Variants in BAZ1A observed in about 807,000 individuals in gnomAD.
The protein encoded by BAZ1A is bromodomain adjacent to zinc finger domain 1A, also known as bromodomain adjacent to zinc finger domain protein 1A.
A neutral mutation model predicts 185.2 loss-of-function variants in BAZ1A; 50 were observed. The ratio of observed to expected loss-of-function variants is 0.27; its 90% CI spans 0.22 to 0.34. The LOEUF is 0.34. Ranked by LOEUF, BAZ1A falls within the 10% of genes least tolerant of loss-of-function variation. The pLI, the probability that BAZ1A is intolerant of heterozygous loss-of-function variation, is 1.00. For missense variants in BAZ1A, 1,356 were observed against 1,839.9 expected (o/e 0.74, Z 4.81); for synonymous variants, 571 against 615.6 (o/e 0.93, Z 1.07).
rs772047587 is a variant in BAZ1A at position 34,775,990 on chromosome 14, G to A, written c.2762C>T (p.Thr921Ile). 1.2e-6 allele frequency: 2 copies of A among 1,613,860 alleles called. No homozygotes were observed. The highest frequency in any genetic ancestry group is 1.7e-6 in the Non-Finnish European group (2 of 1,179,746). Residue 921 changes from threonine to isoleucine, a missense_variant, in exon 18 of 27, where the codon ACT becomes ATT. Around this residue, in one of 7 missense-constraint regions of BAZ1A, gnomAD observed 434 missense variants for 561.7 expected, o/e 0.77. Transcript: ENST00000360310. The part of the protein sequence containing the change: ...RGHRESALKE[T>I]LLQEKSRICA... ...TATTCTGCTTTTCTCTTGTAACAAAGTTTCTTTTAAGGCACTTTCTCTATG... is the reference window on the plus strand; with the variant it reads ...TATTCTGCTTTTCTCTTGTAACAAAATTTCTTTTAAGGCACTTTCTCTATG...
chr14:34,764,289 CTT>C lies in BAZ1A; in HGVS notation c.3776+416_3776+417del, dbSNP rs34861206. On this transcript the variant is annotated intron_variant, in intron 23 of 26. Coordinates refer to ENST00000360310, the MANE Select transcript of BAZ1A (RefSeq NM_013448.3). ...TATACGTTAGTTTCTTTTTTCTTTTCTTTTTTTTTTTTTTTTTTTGAGATGGA... is the reference window on the plus strand; with the variant it reads ...TATACGTTAGTTTCTTTTTTCTTTTCTTTTTTTTTTTTTTTTTGAGATGGA... Among the ~76,000 whole-genome samples the C allele has an allele frequency of 4.4e-4, 49 of 111,846 alleles. No individual in the cohort carries two copies. The East Asian group carries it at 6.5e-3, about 15-fold the overall frequency. 73.4% of individuals were successfully genotyped at this position (111,846 alleles called of 152,430 possible).
chr14:34,807,422 T>A (rs770806108), intron 6 of BAZ1A, 29 bp downstream of exon 6: 1 of 1,525,428 alleles, frequency 6.6e-7, no homozygotes, highest in Admixed American at 1.7e-5. Context: ...TTTTCTGTCT[T>A]CCAACAAATA....
At chr14:34,789,727 C>T (rs1050367245) in intron 12 of BAZ1A, among the ~76,000 whole-genome samples, 4 of 152,094 alleles carry the variant, frequency 2.6e-5, no homozygotes, top group African/African-American at 7.2e-5. Flanking sequence ...CAAAATCTCT[C>T]AGGTTTGATA....
chr14:34,834,110 A>AG (rs1167389269), intron 3 of BAZ1A, among the ~76,000 whole-genome samples: 1 of 152,212 alleles, frequency 6.6e-6, no homozygotes, highest in Non-Finnish European at 1.5e-5. Flanking sequence ...TCTGTACTTT[A>AG]GTAACATGAG....
chr14:34,775,651 G>A (rs915032084), intron 18 of BAZ1A, among the ~76,000 whole-genome samples: 10 of 152,144 alleles, frequency 6.6e-5, no homozygotes, highest in African/African-American at 2.4e-4. Flanking sequence ...TACTGACCAA[G>A]GAATAAGGAG....
At chr14:34,793,322 G>A (rs1005272111) in intron 11 of BAZ1A, among the ~76,000 whole-genome samples, 7 of 152,072 alleles carry the variant, frequency 4.6e-5, no homozygotes, top group Non-Finnish European at 2.9e-5. Context: ...GTCATTATCC[G>A]CATTAGGTTT....
At chr14:34,856,673 CAT>C (rs1217001404) in intron 3 of BAZ1A, among the ~76,000 whole-genome samples, 2 of 151,786 alleles carry the variant, frequency 1.3e-5, no homozygotes, top group African/African-American at 4.8e-5. Context: ...GCCTGGTCAA[CAT>C]AGTGAAACCC....
intron 10 of BAZ1A, 47 bp downstream of exon 10, chr14:34,795,623 G>T: frequency 7.6e-7 from 1 of 1,307,920 alleles, no homozygotes; most frequent in Non-Finnish European, 1.1e-6. Flanking sequence ...AGCCACATAG[G>T]ACATGTAAAA....
chr14:34,783,097 A>C, intron 16 of BAZ1A, 22 bp downstream of exon 16: 1 of 1,497,954 alleles, frequency 6.7e-7, no homozygotes. Flanking sequence ...AAAGCAGATG[A>C]ACAGTGTGAT....
Position 34,802,999 on chromosome 14 carries a change from C to A in BAZ1A, c.727-11G>T, listed in dbSNP as rs1426462614. The A allele has an allele frequency of 3.1e-6, 5 of 1,602,902 alleles. No individual in the cohort carries two copies. In the South Asian group the frequency reaches 4.4e-5, roughly 14 times the overall value. On this transcript the variant is annotated splice_polypyrimidine_tract_variant and intron_variant, in intron 6 of 26. Coordinates refer to ENST00000360310, the MANE Select transcript of BAZ1A (RefSeq NM_013448.3). ...TGAAAGAGATGATGCCTTAATAAAA[C>A]AAAGACATAGGGTACAATAATAACA...
At chr14:34,867,990 A>G (rs2042888053) in intron 2 of BAZ1A, among the ~76,000 whole-genome samples, 1 of 152,250 alleles carries the variant, frequency 6.6e-6, no homozygotes, top group South Asian at 2.1e-4. Context: ...TACTATAAGC[A>G]AAAATGATAA....
At chr14:34,780,092 G>C (rs1378219652) in intron 17 of BAZ1A, 94 bp downstream of exon 17, 22 of 1,489,960 alleles carry the variant, frequency 1.5e-5, no homozygotes, top group Non-Finnish European at 1.9e-5. Context: ...ACAAATGAAA[G>C]CAATCAATAT....
At chr14:34,838,245 G>A (rs188824481) in intron 3 of BAZ1A, among the ~76,000 whole-genome samples, 2 of 152,270 alleles carry the variant, frequency 1.3e-5, no homozygotes, top group African/African-American at 4.8e-5. Context: ...AATCTATTAG[G>A]TGTGCTAGAT....
chr14:34,766,442 C>T (rs892600289), intron 21 of BAZ1A, among the ~76,000 whole-genome samples: 2 of 152,084 alleles, frequency 1.3e-5, no homozygotes, highest in South Asian at 2.1e-4. Flanking sequence ...CTCCTGTTTG[C>T]CTGTCGGGTA....
chr14:34,843,866 TATGGTCC>T (rs1009238620), intron 3 of BAZ1A, among the ~76,000 whole-genome samples: 1 of 152,142 alleles, frequency 6.6e-6, no homozygotes, highest in African/African-American at 2.4e-5. Flanking sequence ...GACAGTATAC[TATGGTCC>T]ATGGCCAAAT....
chr14:34,795,821 C>T, intron 9 of BAZ1A, 56 bp from the exon 10 acceptor site: 4 of 1,318,214 alleles, frequency 3.0e-6, no homozygotes, highest in Admixed American at 1.8e-5. Flanking sequence ...ATGGCAGCAT[C>T]GGCATCTCCT....
At chr14:34,818,938 G>C (rs557124382) in intron 4 of BAZ1A, among the ~76,000 whole-genome samples, 1 of 151,842 alleles carries the variant, frequency 6.6e-6, no homozygotes, top group East Asian at 1.9e-4. Flanking sequence ...TCAGGAGATC[G>C]AGACCATCCT....
chr14:34,755,039 ACTCT>A, intron 25 of BAZ1A, 125 bp from the exon 26 acceptor site: 1 of 585,360 alleles, frequency 1.7e-6, no homozygotes, highest in Non-Finnish European at 3.0e-6. Flanking sequence ...CTTGCTCATG[ACTCT>A]CTCCTCTCTA....
At chr14:34,862,483 C>T (rs188637456) in intron 2 of BAZ1A, among the ~76,000 whole-genome samples, 161 bp from the exon 3 acceptor site, 4 of 152,192 alleles carry the variant, frequency 2.6e-5, no homozygotes, top group Admixed American at 2.6e-4. Context: ...CAACTTATAA[C>T]ATTAATACAA....
Sources: allele counts gnomAD v4.1 joint callset (sites outside exome capture counted in the v4.1 genomes callset), GRCh38; gene constraint gnomAD v4.1.1; regional missense constraint gnomAD v4.1.1; transcripts MANE v1.5; gene names NCBI Gene and HGNC (gene_info 2026-07-23, HGNC 2026-07-21).